The following DAB1 variants were observed in gnomAD, a reference collection of about 807,000 sequenced individuals.
DAB1 encodes the protein DAB adaptor protein 1, also known as disabled homolog 1.
A neutral mutation model predicts 64.6 loss-of-function variants in DAB1; 15 were observed. The ratio of observed to expected loss-of-function variants is 0.23; its 90% CI spans 0.16 to 0.36. The LOEUF (loss-of-function observed/expected upper bound fraction) is 0.36. DAB1 is among the 10% of genes least tolerant of loss of function. DAB1 has a pLI of 1.00. For synonymous variants in DAB1, 235 were observed against 251.9 expected (o/e 0.93, Z 0.64); for missense variants, 596 against 706.7 (o/e 0.84, Z 1.78).
chr1:57,824,213 G>A (rs1364071563), downstream of DAB1, among the ~76,000 whole-genome samples: 1 of 152,134 alleles, frequency 6.6e-6, no homozygotes, highest in East Asian at 1.9e-4. Context: ...GGCCAAGCCA[G>A]GATTTGAAGC....
chr1:57,131,946 G>A (rs1391383775), intron 4 of DAB1, among the ~76,000 whole-genome samples: 1 of 152,096 alleles, frequency 6.6e-6, no homozygotes, highest in Non-Finnish European at 1.5e-5. Context: ...AAAAGATGGG[G>A]CCTTATTTAT....
intron 1 of DAB1, among the ~76,000 whole-genome samples, chr1:57,333,182 G>A (rs1229044865): frequency 1.4e-4 from 21 of 152,192 alleles, no homozygotes; most frequent in Non-Finnish European, 4.4e-5. Context: ...TGGCTGGAAT[G>A]TAAGCCTCTT....
chr1:57,973,379 G>A (rs1355347230), intron 5 of DAB1, among the ~76,000 whole-genome samples: 1 of 152,156 alleles, frequency 6.6e-6, no homozygotes, highest in Non-Finnish European at 1.5e-5. Context: ...CTAGCCTCCA[G>A]AACAATGAGA....
chr1:58,207,082 A>T (rs1295640220), intron 4 of DAB1, among the ~76,000 whole-genome samples: 3 of 152,212 alleles, frequency 2.0e-5, no homozygotes, highest in Admixed American at 6.5e-5. Context: ...CGGAGGCTCC[A>T]AACATCTGCT....
chr1:57,439,097 C>T (rs1685809980), intron 7 of DAB1, among the ~76,000 whole-genome samples: 1 of 152,136 alleles, frequency 6.6e-6, no homozygotes, highest in Non-Finnish European at 1.5e-5. Flanking sequence ...GACCGAGTCT[C>T]AGTGCTTCTG....
chr1:58,447,861 A>C (rs12566603), intron 3 of DAB1, among the ~76,000 whole-genome samples: 2 of 39,352 alleles, frequency 5.1e-5, no homozygotes, highest in African/African-American at 1.0e-4. Context: ...CTTAAACAAA[A>C]AAAAAAAAAA....
At chr1:57,479,744 T>C (rs1570558577) in intron 7 of DAB1, among the ~76,000 whole-genome samples, 1 of 152,152 alleles carries the variant, frequency 6.6e-6, no homozygotes, top group African/African-American at 2.4e-5. Context: ...TCCTTGAGCA[T>C]CTTCCTCTAT....
chr1:57,710,247 G>A (rs1459080565), intron 6 of DAB1, among the ~76,000 whole-genome samples: 3 of 152,044 alleles, frequency 2.0e-5, no homozygotes, highest in Admixed American at 6.6e-5. Flanking sequence ...TGAAGCCTCG[G>A]TTGAAGGTGT....
chr1:57,212,454 A>G (rs978899256), intron 2 of DAB1, among the ~76,000 whole-genome samples: 3 of 124,866 alleles, frequency 2.4e-5, no homozygotes, highest in African/African-American at 6.3e-5. Flanking sequence ...TGCAAGCTCC[A>G]CCTCCTGGGT....
intron 6 of DAB1, among the ~76,000 whole-genome samples, chr1:57,745,684 C>T (rs1318761470): frequency 3.9e-5 from 6 of 152,084 alleles, no homozygotes; most frequent in Admixed American, 3.9e-4. Context: ...ATAAACATTC[C>T]CGAATCAACT....
intron 5 of DAB1, among the ~76,000 whole-genome samples, chr1:58,026,869 G>A (rs1646902969): frequency 1.3e-5 from 2 of 152,212 alleles, no homozygotes; most frequent in African/African-American, 4.8e-5. Flanking sequence ...CAATTTGCCA[G>A]GTGCCTGCAC....
At position 58,023,643 on chromosome 1, in the gene DAB1, A is replaced by G. The variant is rs140283636; in HGVS notation, n.387+126868T>C. The stretch of plus-strand genomic sequence containing the variant: ...TCAAATGAATGAACTAGGAAGGATA[A>G]TAGAAGTATAAGAATAATTTATGTA... On this transcript the variant is annotated intron_variant and non_coding_transcript_variant, in intron 5 of 20. Transcript: ENST00000485760. Among the ~76,000 whole-genome samples the G allele has an allele frequency of 2.2e-4, 33 of 152,322 alleles. No homozygotes were observed. In the East Asian group the frequency reaches 5.8e-3, roughly 27 times the overall value.
intron 5 of DAB1, among the ~76,000 whole-genome samples, chr1:58,025,982 C>A (rs1324146627): frequency 6.6e-6 from 1 of 152,008 alleles, no homozygotes; most frequent in Non-Finnish European, 1.5e-5. Context: ...AAACACTCAT[C>A]CTTCAAGTTT....
chr1:57,369,886 T>G (rs1391718299), intron 1 of DAB1, among the ~76,000 whole-genome samples: 1 of 152,206 alleles, frequency 6.6e-6, no homozygotes, highest in Non-Finnish European at 1.5e-5. Flanking sequence ...GAGTATTGAG[T>G]GACTGAACCA....
chr1:58,030,656 G>T (rs1319799797), intron 5 of DAB1, among the ~76,000 whole-genome samples: 1 of 152,148 alleles, frequency 6.6e-6, no homozygotes, highest in Non-Finnish European at 1.5e-5. Flanking sequence ...AGCCCCTGGG[G>T]TGGGGCCCGG....
At chr1:57,665,882 T>C (rs1391810435) in intron 6 of DAB1, among the ~76,000 whole-genome samples, 1 of 150,622 alleles carries the variant, frequency 6.6e-6, no homozygotes, top group Admixed American at 6.6e-5. Context: ...TGTGTGTGTG[T>C]GTTTGCGTGT....
intron 1 of DAB1, among the ~76,000 whole-genome samples, chr1:57,868,236 C>T (rs1654388136): frequency 6.6e-6 from 1 of 152,086 alleles, no homozygotes; most frequent in Admixed American, 6.6e-5. Flanking sequence ...TTTTGGTGTG[C>T]CATTTATTCT....
rs188389462 is a variant in DAB1 at position 57,924,589 on chromosome 1, A to G, written n.388-40427T>C. 2.7e-3 allele frequency among the ~76,000 whole-genome samples: 399 copies of G among 149,882 alleles called. 2 individuals carry two copies. The highest frequency in any genetic ancestry group is 9.4e-3 in the African/African-American group (383 of 40,764). On this transcript the variant is annotated intron_variant and non_coding_transcript_variant, in intron 5 of 20. Transcript: ENST00000485760. ...ATTCTCCTCCCTCAGCCTCCCGAGT[A>G]GCTGGGATTACAGGCACCCACCACC...
At chr1:57,087,975 C>G (rs1442807059) in intron 4 of DAB1, among the ~76,000 whole-genome samples, 1 of 152,204 alleles carries the variant, frequency 6.6e-6, no homozygotes, top group African/African-American at 2.4e-5. Context: ...CTGTCCTTGA[C>G]CAAGCTCTAC....
Sources: gnomAD v4.1 joint callset for allele counts (sites outside exome capture counted in the v4.1 genomes callset) on GRCh38, gnomAD v4.1.1 for gene constraint, MANE v1.5 for transcripts, NCBI Gene and HGNC (gene_info 2026-07-23, HGNC 2026-07-21) for gene names.